Variants in OR2L13 observed in about 807,000 individuals in gnomAD.
The protein encoded by OR2L13 is olfactory receptor 2L13.
OR2L13 carries 14 observed loss-of-function variants against 15.3 expected under a neutral mutation model. The ratio of observed to expected loss-of-function variants is 0.91; its 90% CI spans 0.60 to 1.43. The LOEUF is 1.43. Ranked by LOEUF, OR2L13 falls within the 40% of genes most tolerant of loss-of-function variation. OR2L13 has a pLI of 0.00. For synonymous variants in OR2L13, 152 were observed against 142.9 expected (o/e 1.06, Z -0.45); for missense variants, 367 against 387.9 (o/e 0.95, Z 0.45).
the OR2L13 span, among the ~76,000 whole-genome samples, chr1:248,027,097 A>G: frequency 1.3e-5 from 2 of 152,314 alleles, no homozygotes; most frequent in South Asian, 2.1e-4. Flanking sequence ...TCAGCAAGGA[A>G]CAGCCCTGAG....
At chr1:248,087,099 C>G in the OR2L13 span, among the ~76,000 whole-genome samples, 1 of 152,112 alleles carries the variant, frequency 6.6e-6, no homozygotes, top group Non-Finnish European at 1.5e-5. Flanking sequence ...ATCTCCTTCT[C>G]TCTTCTTTCT....
the OR2L13 span, among the ~76,000 whole-genome samples, chr1:247,954,141 A>G: frequency 1.3e-5 from 2 of 152,174 alleles, no homozygotes. Context: ...CACATAGGAG[A>G]TAAAGCGGGT....
chr1:248,011,737 C>T, the OR2L13 span, among the ~76,000 whole-genome samples: 1 of 152,016 alleles, frequency 6.6e-6, no homozygotes, highest in Non-Finnish European at 1.5e-5. Flanking sequence ...CTTATTCAAC[C>T]CTTTCTCTGC....
At chr1:248,058,515 T>G in the OR2L13 span, among the ~76,000 whole-genome samples, 1 of 152,266 alleles carries the variant, frequency 6.6e-6, no homozygotes, top group South Asian at 2.1e-4. Context: ...AAATATAAAC[T>G]ATTGTAAAAC....
chr1:247,940,349 G>T, the OR2L13 span, among the ~76,000 whole-genome samples: 1 of 152,060 alleles, frequency 6.6e-6, no homozygotes, highest in African/African-American at 2.4e-5. Context: ...ACTTTTAAAT[G>T]GTTTTATTAA....
the OR2L13 span, among the ~76,000 whole-genome samples, chr1:247,966,622 A>G: frequency 6.6e-6 from 1 of 152,196 alleles, no homozygotes; most frequent in Non-Finnish European, 1.5e-5. Flanking sequence ...AAAAATGCAT[A>G]ATTCATTTAT....
At chr1:248,059,829 G>A in the OR2L13 span, among the ~76,000 whole-genome samples, 2 of 152,134 alleles carry the variant, frequency 1.3e-5, no homozygotes, top group Non-Finnish European at 2.9e-5. Flanking sequence ...GGATTGGTGA[G>A]GCCAAGAGTT....
the OR2L13 span, among the ~76,000 whole-genome samples, chr1:247,945,962 G>A: frequency 9.9e-5 from 15 of 152,214 alleles, no homozygotes; most frequent in African/African-American, 2.6e-4. Flanking sequence ...CATCTTAACC[G>A]TATTAGCCTT....
the OR2L13 span, among the ~76,000 whole-genome samples, chr1:248,070,833 G>A: frequency 1.3e-5 from 2 of 152,124 alleles, no homozygotes; most frequent in Admixed American, 6.5e-5. Context: ...TATCATCAGA[G>A]AATACTGCAA....
At chr1:247,957,823 T>A in the OR2L13 span, among the ~76,000 whole-genome samples, 1 of 152,194 alleles carries the variant, frequency 6.6e-6, no homozygotes, top group East Asian at 1.9e-4. Flanking sequence ...TCTATTTGAT[T>A]CTTCTCTGTT....
the OR2L13 span, among the ~76,000 whole-genome samples, chr1:248,029,768 A>T: frequency 6.6e-6 from 1 of 152,238 alleles, no homozygotes; most frequent in Non-Finnish European, 1.5e-5. Context: ...TGCCTAAATA[A>T]CAACATTCAA....
the OR2L13 span, chr1:248,003,909 G>T: frequency 2.5e-6 from 4 of 1,612,838 alleles, no homozygotes; most frequent in Non-Finnish European, 3.4e-6. Flanking sequence ...ACCTATCTAC[G>T]TCCAAGATCC....
chr1:248,007,190 A>G, the OR2L13 span, among the ~76,000 whole-genome samples: 1 of 152,162 alleles, frequency 6.6e-6, no homozygotes, highest in Admixed American at 6.5e-5. Flanking sequence ...GAAAAACAAT[A>G]TGGATGCCTT....
the OR2L13 span, among the ~76,000 whole-genome samples, chr1:247,973,690 C>T: frequency 6.6e-6 from 1 of 152,276 alleles, no homozygotes; most frequent in African/African-American, 2.4e-5. Flanking sequence ...CTCATTATCA[C>T]TAGTCATTAG....
chr1:248,024,929 T>C, the OR2L13 span, among the ~76,000 whole-genome samples: 26,628 of 152,122 alleles, frequency 0.18, 2,567 homozygotes, highest in East Asian at 0.32. Context: ...GGTAGTTTTT[T>C]CCAATTCTGT....
the OR2L13 span, among the ~76,000 whole-genome samples, chr1:248,052,894 A>C: frequency 4.6e-5 from 7 of 151,652 alleles, 1 homozygote; most frequent in African/African-American, 1.7e-4. Flanking sequence ...TTTGATAGAG[A>C]TTCTACTAAT....
At chr1:247,970,367 A>T in the OR2L13 span, among the ~76,000 whole-genome samples, 1 of 152,234 alleles carries the variant, frequency 6.6e-6, no homozygotes, top group East Asian at 1.9e-4. Flanking sequence ...AACAAAAAAC[A>T]TGGTCTCTGA....
At chr1:247,954,843 T>A in the OR2L13 span, among the ~76,000 whole-genome samples, 1 of 152,128 alleles carries the variant, frequency 6.6e-6, no homozygotes, top group Non-Finnish European at 1.5e-5. Context: ...TATGTATACA[T>A]TAAGACTTTC....
At chr1:248,065,873 AG>A in the OR2L13 span, among the ~76,000 whole-genome samples, 1 of 152,126 alleles carries the variant, frequency 6.6e-6, no homozygotes, top group African/African-American at 2.4e-5. Context: ...TTGGAGAAAA[AG>A]GTTATCTCAC....
Sources: allele counts gnomAD v4.1 joint callset (sites outside exome capture counted in the v4.1 genomes callset), GRCh38; gene constraint gnomAD v4.1.1; transcripts MANE v1.5; gene names NCBI Gene and HGNC (gene_info 2026-07-23, HGNC 2026-07-21).